RABEP2: variants seen among roughly 807,000 people sequenced by gnomAD.
RABEP2 encodes the protein rab GTPase-binding effector protein 2.
A neutral mutation model predicts 74.1 loss-of-function variants in RABEP2; 57 were observed. The ratio of observed to expected loss-of-function variants is 0.77; its 90% confidence interval spans 0.62 to 0.96. The LOEUF is 0.96. RABEP2 is among the 40% of genes least tolerant of loss of function. RABEP2 has a pLI of 0.00. For missense variants in RABEP2, 692 were observed against 756.3 expected (o/e 0.91, Z 1.00); for synonymous variants, 351 against 344.0 (o/e 1.02, Z -0.23).
chr16:28,918,821 T>G (rs1964429706), intron 3 of RABEP2, among the ~76,000 whole-genome samples: 1 of 151,916 alleles, frequency 6.6e-6, no homozygotes, highest in East Asian at 1.9e-4. Flanking sequence ...CCAGTTAATT[T>G]AACAAAAAAA....
intron 5 of RABEP2, among the ~76,000 whole-genome samples, chr16:28,912,792 AC>A (rs989996907): frequency 2.0e-5 from 3 of 151,980 alleles, no homozygotes; most frequent in Admixed American, 2.0e-4. Context: ...GTCTCCTAAG[AC>A]GCACAATGCA....
intron 5 of RABEP2, 64 bp downstream of exon 5, chr16:28,914,172 T>C (rs1964351987): frequency 7.4e-7 from 1 of 1,356,976 alleles, no homozygotes. Flanking sequence ...ACACAGGTGG[T>C]GCGGGGGAAG....
chr16:28,913,936 CTT>C (rs78683101), intron 5 of RABEP2, among the ~76,000 whole-genome samples: 53 of 136,484 alleles, frequency 3.9e-4, no homozygotes, highest in Non-Finnish European at 4.3e-4. Flanking sequence ...GTATACTTGG[CTT>C]TTTTTTTTTT....
At chr16:28,913,039 C>T (rs1215646970) in intron 5 of RABEP2, among the ~76,000 whole-genome samples, 1 of 151,950 alleles carries the variant, frequency 6.6e-6, no homozygotes, top group African/African-American at 2.4e-5. Flanking sequence ...CTCGGCTTAC[C>T]ACAACTTCTG....
intron 5 of RABEP2, among the ~76,000 whole-genome samples, chr16:28,912,569 G>A (rs1964329848): frequency 6.6e-6 from 1 of 151,930 alleles, no homozygotes; most frequent in South Asian, 2.1e-4. Context: ...GTGCCACTGT[G>A]CCCAGCTACT....
chr16:28,920,164 G>C (rs1179442749), intron 2 of RABEP2, among the ~76,000 whole-genome samples: 1 of 151,860 alleles, frequency 6.6e-6, no homozygotes, highest in African/African-American at 2.4e-5. Flanking sequence ...TCATCCTTCT[G>C]GTGGCTACAG....
At chr16:28,909,878 T>A (rs1047870620) in intron 7 of RABEP2, among the ~76,000 whole-genome samples, 1 of 150,188 alleles carries the variant, frequency 6.7e-6, no homozygotes, top group African/African-American at 2.4e-5. Context: ...CAAAAAAAAA[T>A]ATTAACCGGG....
intron 2 of RABEP2, 78 bp from the exon 3 acceptor site, chr16:28,920,021 G>A: frequency 7.0e-7 from 1 of 1,419,784 alleles, no homozygotes; most frequent in Non-Finnish European, 9.4e-7. Context: ...GGGGACTCTT[G>A]ATGCACTGAC....
At chr16:28,914,854 T>G in intron 3 of RABEP2, 72 bp from the exon 4 acceptor site, 1 of 1,333,548 alleles carries the variant, frequency 7.5e-7, no homozygotes, top group Non-Finnish European at 1.1e-6. Context: ...GTTCAGAGCT[T>G]CCTCTCCAAG....
At chr16:28,910,715 C>T (rs997027574) in intron 7 of RABEP2, 173 bp downstream of exon 7, 11 of 594,626 alleles carry the variant, frequency 1.8e-5, no homozygotes, top group African/African-American at 1.1e-4. Context: ...GTTCTGGCCA[C>T]GGCACCAGCT....
chr16:28,918,126 G>A (rs1397420134), intron 3 of RABEP2, among the ~76,000 whole-genome samples: 4 of 130,512 alleles, frequency 3.1e-5, no homozygotes, highest in Non-Finnish European at 6.2e-5. Flanking sequence ...AGGTGGGACT[G>A]CGGACTGCAG....
At chr16:28,912,015 G>C (rs1417774080) in intron 5 of RABEP2, among the ~76,000 whole-genome samples, 2 of 151,926 alleles carry the variant, frequency 1.3e-5, no homozygotes, top group East Asian at 3.9e-4. Context: ...GGGAGGCCGA[G>C]GTGGGCGGAT....
rs750793579 is a variant in RABEP2 at position 28,906,068 on chromosome 16, C to T, written c.1374G>A (p.Val458=). 1 of 1,600,032 alleles carries T rather than the reference C, an allele frequency of 6.2e-7. No homozygotes were observed. Among genetic ancestry groups the T allele is most frequent in the East Asian group, 2.3e-5 (1 of 44,124 alleles). The change falls in exon 9 of 13, where the codon GTG becomes GTA. Residue 458 remains valine (V), a synonymous_variant. Coordinates refer to ENST00000358201, the MANE Select transcript of RABEP2 (RefSeq NM_024816.3). ...GCTGCCCCTCCAGGCTGGCCCTGGC[C>T]ACTGTCTCCTCCTCCAGAGCCTCCC... The part of the protein sequence containing the change: ...TLREALEEET[V]ARASLEGQLR...
rs779311815 is a variant in RABEP2, at chr16:28,911,195, C to G, written c.895-16G>C. The G allele has an allele frequency of 1.9e-6, 3 of 1,604,868 alleles. No homozygotes were observed. The highest frequency in any genetic ancestry group is 2.5e-6 in the Non-Finnish European group (3 of 1,179,144). On this transcript the variant is annotated splice_polypyrimidine_tract_variant and intron_variant, in intron 5 of 12. Coordinates refer to ENST00000358201, the MANE Select transcript of RABEP2 (RefSeq NM_024816.3). ...GCTGTCGGCCCTGCCACAGACCCTG[C>G]CTTCAGCCTGCATCTCCCAGGAACT...
intron 4 of RABEP2, 24 bp from the exon 5 acceptor site, chr16:28,914,610 G>A (rs1424971216): frequency 1.2e-6 from 2 of 1,610,462 alleles, no homozygotes; most frequent in Middle Eastern, 1.7e-4. Context: ...CAGGGAAGAG[G>A]CTGGGGGGCC....
rs1964520149 is a variant in RABEP2 at position 28,925,235 on chromosome 16, G to A, written c.-72C>T. The A allele has an allele frequency of 9.5e-6, 14 of 1,479,956 alleles. No individual in the cohort carries two copies. Among genetic ancestry groups the A allele is most frequent in the Non-Finnish European group, 1.2e-5 (14 of 1,120,696 alleles). The allele number at this position is 1,479,956 out of a possible 1,614,324, so 91.7% of individuals were successfully genotyped here. On this transcript the variant is annotated 5_prime_UTR_variant, in exon 1 of 13. Coordinates refer to ENST00000358201, the MANE Select transcript of RABEP2 (RefSeq NM_024816.3). ...GCACCGCTTCCGGGTCCTCTCGGCTGTTTCCGGATCCGCTCGGCTGTTTCC... is the reference window on the plus strand; with the variant it reads ...GCACCGCTTCCGGGTCCTCTCGGCTATTTCCGGATCCGCTCGGCTGTTTCC...
At chr16:28,905,163 G>T in intron 12 of RABEP2, 119 bp from the exon 13 acceptor site, 1 of 809,010 alleles carries the variant, frequency 1.2e-6, no homozygotes, top group Non-Finnish European at 1.9e-6. Context: ...CCTCTAGGGG[G>T]CTGATGCCAC....
At chr16:28,911,228 C>A (rs776368389) in intron 5 of RABEP2, 49 bp from the exon 6 acceptor site, 9 of 1,562,224 alleles carry the variant, frequency 5.8e-6, no homozygotes, top group African/African-American at 1.3e-5. Flanking sequence ...ACTTGGCCCC[C>A]CTCACCACAC....
Position 28,906,153 on chromosome 16 carries a change from G to T in RABEP2, c.1289C>A (p.Ala430Asp). 6.3e-7 allele frequency: 1 copy of T among 1,588,264 alleles called. No individual in the cohort carries two copies. The highest frequency in any genetic ancestry group is 8.5e-7 in the Non-Finnish European group (1 of 1,171,938). ...LLCCTRQEAR[A>D]RLQAQEHGAE... ...CCCGTGCTCCTGGGCCTGCAGCCGG[G>T]CCCTCGCCTCTTGCCGCGTGCAGCA... The change falls in exon 9 of 13, where the codon GCC (alanine) becomes GAC (aspartate). Residue 430 changes from alanine to aspartate, a missense_variant. Ala to Asp is a moderately radical substitution (Grantham distance 126). Transcript: ENST00000358201.
Sources: gnomAD v4.1 joint callset for allele counts (sites outside exome capture counted in the v4.1 genomes callset) on GRCh38, gnomAD v4.1.1 for gene constraint, MANE v1.5 for transcripts, NCBI Gene and HGNC (gene_info 2026-07-23, HGNC 2026-07-21) for gene names.